The following SHTN1 variants were observed in gnomAD, a reference collection of about 807,000 sequenced individuals.
SHTN1 encodes shootin-1.
SHTN1 carries 42 observed loss-of-function variants against 83.1 expected under a neutral mutation model. The ratio of observed to expected loss-of-function variants is 0.51; its 90% CI spans 0.39 to 0.65. The LOEUF (loss-of-function observed/expected upper bound fraction) is 0.65. Among genes scored for constraint, SHTN1 ranks in the 30% least tolerant of loss-of-function variants. SHTN1 has a pLI of 0.00. For synonymous variants in SHTN1, 224 were observed against 247.7 expected, an observed-to-expected ratio of 0.90 and a Z score of 0.90; for missense variants, 622 against 737.8, an observed-to-expected ratio of 0.84 and a Z score of 1.82.
chr10:116,947,072 T>C (rs984604691), intron 7 of SHTN1, among the ~76,000 whole-genome samples: 3 of 152,132 alleles, frequency 2.0e-5, no homozygotes, highest in Non-Finnish European at 2.9e-5. Context: ...AGAAACAGCC[T>C]TAGATGCATT....
intron 14 of SHTN1, chr10:116,907,908 C>T (rs1848037924): frequency 1.9e-6 from 1 of 518,078 alleles, no homozygotes; most frequent in South Asian, 1.4e-5. Flanking sequence ...TCCCTCCCTG[C>T]CTGCCAACTA....
At chr10:117,075,326 C>G (rs1420583863) in intron 1 of SHTN1, among the ~76,000 whole-genome samples, 1 of 152,186 alleles carries the variant, frequency 6.6e-6, no homozygotes, top group Non-Finnish European at 1.5e-5. Flanking sequence ...TTACAGTGAT[C>G]TCAGTGCAAC....
chr10:117,038,707 A>G (rs1346028985), intron 2 of SHTN1, among the ~76,000 whole-genome samples: 1 of 152,196 alleles, frequency 6.6e-6, no homozygotes, highest in Non-Finnish European at 1.5e-5. Flanking sequence ...CAAAGAAGAT[A>G]TTTAGATGGC....
intron 9 of SHTN1, among the ~76,000 whole-genome samples, chr10:116,936,399 T>C (rs376431190): frequency 3.3e-5 from 5 of 152,230 alleles, no homozygotes; most frequent in African/African-American, 1.2e-4. Context: ...AAAGAACTTA[T>C]TTATTTCTGC....
chr10:116,961,001 T>G (rs1850166597), intron 3 of SHTN1, among the ~76,000 whole-genome samples: 1 of 152,162 alleles, frequency 6.6e-6, no homozygotes, highest in African/African-American at 2.4e-5. Context: ...ACTTGAGTTA[T>G]ATTTTGAAGA....
chr10:116,972,191 A>G (rs1282903023), intron 2 of SHTN1, among the ~76,000 whole-genome samples: 3 of 152,212 alleles, frequency 2.0e-5, no homozygotes, highest in Non-Finnish European at 4.4e-5. Flanking sequence ...ATGGGTTCAC[A>G]CTAATCCTAT....
At chr10:116,963,774 C>T (rs911740199) in intron 3 of SHTN1, among the ~76,000 whole-genome samples, 1 of 152,090 alleles carries the variant, frequency 6.6e-6, no homozygotes, top group Non-Finnish European at 1.5e-5. Flanking sequence ...ATTATTTTCC[C>T]GCCTTTGCAT....
intron 1 of SHTN1, among the ~76,000 whole-genome samples, chr10:117,063,006 G>A (rs944916860): frequency 6.6e-6 from 1 of 152,142 alleles, no homozygotes; most frequent in Non-Finnish European, 1.5e-5. Context: ...GGAATTCACT[G>A]GATAATACTA....
intron 1 of SHTN1, among the ~76,000 whole-genome samples, chr10:117,001,600 C>T (rs879552761): frequency 2.5e-4 from 38 of 151,922 alleles, no homozygotes; most frequent in Non-Finnish European, 8.8e-5. Context: ...TAAGGCAGGG[C>T]AAAATGAAGA....
At chr10:117,099,081 C>T (rs1231029042) in intron 1 of SHTN1, among the ~76,000 whole-genome samples, 1 of 151,246 alleles carries the variant, frequency 6.6e-6, no homozygotes, top group Non-Finnish European at 1.5e-5. Flanking sequence ...TTTGCAACCA[C>T]TTGAATAGAG....
rs368904703 is a variant in SHTN1 at position 116,973,332 on chromosome 10, G to T, written c.112-4620C>A. On this transcript the variant is annotated intron_variant, in intron 2 of 16. Transcript: ENST00000355371. ...TGCATCAGAGGGTTGCTAGCCTATA[G>T]ATAGGGCAGTTCAGGGCCCAAGAAG... is the stretch of plus-strand genomic sequence containing the variant. 5.9e-5 allele frequency among the ~76,000 whole-genome samples: 9 copies of T among 152,278 alleles called. No individual in the cohort carries two copies. The South Asian group carries it at 1.9e-3, about 32-fold the overall frequency.
At chr10:117,029,666 T>G (rs531714145) in intron 2 of SHTN1, among the ~76,000 whole-genome samples, 1 of 152,230 alleles carries the variant, frequency 6.6e-6, no homozygotes, top group Non-Finnish European at 1.5e-5. Flanking sequence ...TAAAAGTATG[T>G]GGCACCTCCC....
intron 2 of SHTN1, among the ~76,000 whole-genome samples, chr10:117,045,893 A>T (rs545014359): frequency 3.3e-5 from 5 of 152,196 alleles, no homozygotes; most frequent in Non-Finnish European, 5.9e-5. Context: ...ATGGCATACA[A>T]TAACAGATGG....
At chr10:116,927,051 A>G (rs1381895204) in intron 11 of SHTN1, among the ~76,000 whole-genome samples, 2 of 152,206 alleles carry the variant, frequency 1.3e-5, no homozygotes, top group African/African-American at 4.8e-5. Context: ...TAGCATTACT[A>G]AAGGTATAAA....
chr10:116,992,012 C>G (rs1363999710), intron 1 of SHTN1, among the ~76,000 whole-genome samples: 1 of 151,958 alleles, frequency 6.6e-6, no homozygotes, highest in Non-Finnish European at 1.5e-5. Context: ...CGTAGTGGCA[C>G]ACACCTGTAG....
At chr10:116,988,176 C>T (rs1851289594) in intron 1 of SHTN1, among the ~76,000 whole-genome samples, 1 of 151,920 alleles carries the variant, frequency 6.6e-6, no homozygotes, top group Non-Finnish European at 1.5e-5. Context: ...TTAATTAAAG[C>T]AAGATGTTAA....
At chr10:116,963,727 G>A (rs559806701) in intron 3 of SHTN1, among the ~76,000 whole-genome samples, 1 of 152,300 alleles carries the variant, frequency 6.6e-6, no homozygotes, top group South Asian at 2.1e-4. Context: ...GTTGGCAACT[G>A]TTGCAGCCAG....
At chr10:117,027,870 T>C (rs1488945174) in intron 2 of SHTN1, among the ~76,000 whole-genome samples, 1 of 152,164 alleles carries the variant, frequency 6.6e-6, no homozygotes, top group African/African-American at 2.4e-5. Flanking sequence ...GGCATTGCTA[T>C]AAAGACAACT....
At chr10:117,050,119 G>C (rs1852719702) in intron 1 of SHTN1, among the ~76,000 whole-genome samples, 1 of 152,088 alleles carries the variant, frequency 6.6e-6, no homozygotes, top group Admixed American at 6.6e-5. Flanking sequence ...TTGAGCCCAG[G>C]AGTTCAAGGC....
Sources: gnomAD v4.1 joint callset for allele counts (sites outside exome capture counted in the v4.1 genomes callset) on GRCh38, gnomAD v4.1.1 for gene constraint, MANE v1.5 for transcripts, NCBI Gene and HGNC (gene_info 2026-07-23, HGNC 2026-07-21) for gene names.